The following CAT variants were observed in gnomAD, a reference collection of about 807,000 sequenced individuals.
The protein encoded by CAT is catalase.
CAT carries 43 observed loss-of-function variants against 59.0 expected under a neutral mutation model. The ratio of observed to expected loss-of-function variants is 0.73; its 90% CI spans 0.57 to 0.94. CAT has a LOEUF of 0.94. CAT is among the 40% of genes least tolerant of loss of function. The probability of loss-of-function intolerance (pLI) is 0.00; values close to 1 mark genes in which losing one functional copy is unlikely to be tolerated. For synonymous variants in CAT, 218 were observed against 230.9 expected (o/e 0.94, Z 0.51); for missense variants, 664 against 682.9 (o/e 0.97, Z 0.31).
chr11:34,471,444 C>T lies in CAT; in HGVS notation c.*11C>T, dbSNP rs1856771787. On this transcript the variant is annotated 3_prime_UTR_variant, in exon 13 of 13. Coordinates refer to ENST00000241052, the MANE Select transcript of CAT (RefSeq NM_001752.4). ...AAGGCAAATCTGTGAGGCCGGGGCC[C>T]TGCACCTGTGCAGCGAAGCTTAGCG... 2 of 1,612,526 alleles carry T rather than the reference C, an allele frequency of 1.2e-6. No homozygotes were observed. The highest frequency in any genetic ancestry group is 8.5e-7 in the Non-Finnish European group (1 of 1,178,708).
At chr11:34,460,711 C>G (rs999638968) in intron 8 of CAT, 12 of 176,300 alleles carry the variant, frequency 6.8e-5, no homozygotes, top group Non-Finnish European at 1.5e-4. Flanking sequence ...CCTTGGCCTT[C>G]CAGAGTGCTG....
chr11:34,462,906 A>G (rs1417654818), intron 9 of CAT, among the ~76,000 whole-genome samples: 2 of 152,218 alleles, frequency 1.3e-5, no homozygotes, highest in East Asian at 3.8e-4. Flanking sequence ...AAACACTGTG[A>G]TGGCTGGTTT....
chr11:34,469,048 A>G (rs1371246947), intron 11 of CAT, among the ~76,000 whole-genome samples: 1 of 152,254 alleles, frequency 6.6e-6, no homozygotes, highest in Non-Finnish European at 1.5e-5. Context: ...AAGGCAGGCT[A>G]GACTTTCATG....
At chr11:34,443,893 G>A (rs1011178600) in intron 1 of CAT, among the ~76,000 whole-genome samples, 1 of 152,136 alleles carries the variant, frequency 6.6e-6, no homozygotes, top group African/African-American at 2.4e-5. Flanking sequence ...TGGTCCACAT[G>A]TGCTTTCATT....
rs1159603731 is a variant in CAT, at chr11:34,471,552, A to G, written c.*119A>G. On this transcript the variant is annotated 3_prime_UTR_variant, in exon 13 of 13. Transcript: ENST00000241052. Reference sequence around the variant, plus strand: ...ATGCAAGCTAGTGGCTTCAAAATAGAGAATCCCACTTTCTATAGCAGATTG... The same window carrying G: ...ATGCAAGCTAGTGGCTTCAAAATAGGGAATCCCACTTTCTATAGCAGATTG... 1 of 813,058 alleles carries G rather than the reference A, an allele frequency of 1.2e-6. No individual in the cohort carries two copies. Among genetic ancestry groups the G allele is most frequent in the African/African-American group, 1.7e-5 (1 of 59,582 alleles). 50.4% of individuals were successfully genotyped at this position (813,058 alleles called of 1,614,324 possible).
chr11:34,445,599 A>C (rs2179625), intron 1 of CAT, among the ~76,000 whole-genome samples: 31,567 of 151,078 alleles, frequency 0.21, 3,759 homozygotes, highest in South Asian at 0.34. Context: ...GCCCTGCTTC[A>C]TGAGTGGTGT....
chr11:34,459,238 G>A (rs931870596), intron 8 of CAT, among the ~76,000 whole-genome samples: 5 of 152,110 alleles, frequency 3.3e-5, no homozygotes, highest in Admixed American at 6.5e-5. Flanking sequence ...GGTGAGTAGG[G>A]AATATGTAGA....
In CAT at chr11:34,468,331, A is replaced by C; in HGVS notation, c.1370A>C (p.Lys457Thr). 1 of 1,614,118 alleles carries C rather than the reference A, an allele frequency of 6.2e-7. No individual in the cohort carries two copies. ...YVNVLNEEQR[K>T]RLCENIAGHL... is the part of the protein sequence containing the mutation. ...AACGTGCTGAATGAGGAACAGAGGA[A>C]ACGTCTGTGTGAGAACATTGCCGGC... The change falls in exon 11 of 13, where the codon AAA (lysine) becomes ACA (threonine). Residue 457 changes from lysine to threonine, a missense_variant. By Grantham distance (78) the Lys-to-Thr change is moderately conservative (BLOSUM62 -1). Transcript: ENST00000241052.
chr11:34,439,170 C>A, intron 1 of CAT, 91 bp downstream of exon 1: 1 of 1,175,212 alleles, frequency 8.5e-7, no homozygotes, highest in Non-Finnish European at 1.2e-6. Context: ...CGGGGCGGCG[C>A]TTGGAGGGAC....
At position 34,471,609 on chromosome 11, in the gene CAT, A is replaced by G; in HGVS notation, c.*176A>G. ...AATTTTAATGCTATTTCCCCAGGGG[A>G]AAATGAAGGTTAGGATTTAACAGTC... On this transcript the variant is annotated 3_prime_UTR_variant, in exon 13 of 13. Coordinates refer to ENST00000241052, the MANE Select transcript of CAT (RefSeq NM_001752.4). 3.1e-6 allele frequency: 2 copies of G among 647,542 alleles called. No homozygotes were observed. Among genetic ancestry groups the G allele is most frequent in the South Asian group, 1.7e-5 (1 of 59,628 alleles). The allele number at this position is 647,542 out of a possible 1,614,324, so 40.1% of individuals were successfully genotyped here.
At chr11:34,470,107 AC>A (rs1856758428) in intron 11 of CAT, among the ~76,000 whole-genome samples, 1 of 152,270 alleles carries the variant, frequency 6.6e-6, no homozygotes, top group East Asian at 1.9e-4. Flanking sequence ...GTCATTTCCC[AC>A]TTTAGATAAC....
At chr11:34,460,886 CAGTT>C (rs1400996827) in intron 8 of CAT, 2 of 293,838 alleles carry the variant, frequency 6.8e-6, no homozygotes, top group Non-Finnish European at 1.3e-5. Context: ...TTCAATATTT[CAGTT>C]AGTTAACGTT....
At chr11:34,442,238 A>G (rs1410511748) in intron 1 of CAT, among the ~76,000 whole-genome samples, 5 of 152,224 alleles carry the variant, frequency 3.3e-5, no homozygotes, top group Non-Finnish European at 7.3e-5. Context: ...TTTTAAGTTC[A>G]ATCATGTGGA....
intron 1 of CAT, among the ~76,000 whole-genome samples, chr11:34,440,241 G>A (rs895110427): frequency 6.6e-6 from 1 of 152,182 alleles, no homozygotes. Flanking sequence ...TTCCCTGTTT[G>A]GGAAAAGGCT....
intron 11 of CAT, among the ~76,000 whole-genome samples, chr11:34,470,131 C>G (rs796251620): frequency 1.3e-5 from 2 of 152,164 alleles, no homozygotes; most frequent in Admixed American, 6.5e-5. Context: ...ATGAGGTACC[C>G]TGGCTATGCA....
Position 34,454,279 on chromosome 11 carries a change from G to A in CAT, c.711+353G>A, listed in dbSNP as rs946509329. ...AAATGTCAGAAAACAAAATTATACT[G>A]TTTTTAAAAATTTGCATTCATATAG... On this transcript the variant is annotated intron_variant, in intron 6 of 12. Coordinates refer to ENST00000241052, the MANE Select transcript of CAT (RefSeq NM_001752.4). 2.0e-5 allele frequency among the ~76,000 whole-genome samples: 3 copies of A among 152,174 alleles called. No individual in the cohort carries two copies. The East Asian group carries it at 5.8e-4, about 29-fold the overall frequency.
chr11:34,469,883 C>G (rs920848365), intron 11 of CAT, among the ~76,000 whole-genome samples: 2 of 152,158 alleles, frequency 1.3e-5, no homozygotes, highest in African/African-American at 2.4e-5. Context: ...CCAGGCTGGT[C>G]TTGAACTACT....
Position 34,451,065 on chromosome 11 carries a change from A to G in CAT, c.316A>G (p.Lys106Glu), listed in dbSNP as rs775489763. The G allele has an allele frequency of 1.2e-6, 2 of 1,613,342 alleles. No individual in the cohort carries two copies. ...KAKVFEHIGK[K>E]TPIAVRFSTV... ...AAAGGTATTTGAGCATATTGGAAAG[A>G]AGACTCCCATCGCAGTTCGGTTCTC... is the stretch of plus-strand genomic sequence containing the variant. Residue 106 changes from lysine (K) to glutamate (E), a missense_variant, in exon 3 of 13, where the codon AAG (lysine) becomes GAG (glutamate). Coordinates refer to ENST00000241052, the MANE Select transcript of CAT (RefSeq NM_001752.4).
chr11:34,447,513 G>T (rs1409387654), intron 1 of CAT, among the ~76,000 whole-genome samples: 1 of 152,090 alleles, frequency 6.6e-6, no homozygotes. Context: ...AGCAACATAT[G>T]TATCTTCAAA....
Sources: allele counts gnomAD v4.1 joint callset (sites outside exome capture counted in the v4.1 genomes callset), GRCh38; gene constraint gnomAD v4.1.1; transcripts MANE v1.5; gene names NCBI Gene and HGNC (gene_info 2026-07-23, HGNC 2026-07-21).